NKAIN2: variants seen among roughly 807,000 people sequenced by gnomAD.
NKAIN2 encodes the protein sodium/potassium transporting ATPase interacting 2, also known as sodium/potassium-transporting ATPase subunit beta-1-interacting protein 2.
NKAIN2 carries 14 observed loss-of-function variants against 32.6 expected under a neutral mutation model. The observed-to-expected ratio is 0.43, with a 90% CI of 0.28 to 0.67. The LOEUF is 0.67. NKAIN2 is among the 30% of genes least tolerant of loss of function. The pLI, the probability that NKAIN2 is intolerant of heterozygous loss-of-function variation, is 0.17. For synonymous variants in NKAIN2, 80 were observed against 87.2 expected (o/e 0.92, Z 0.46); for missense variants, 198 against 258.3 (o/e 0.77, Z 1.60).
At chr6:124,181,815 C>A (rs553880524) in intron 1 of NKAIN2, among the ~76,000 whole-genome samples, 2 of 152,136 alleles carry the variant, frequency 1.3e-5, no homozygotes, top group Admixed American at 6.5e-5. Flanking sequence ...TTGGTCAAAG[C>A]CATTCAACAA....
At chr6:123,997,724 C>T (rs930777484) in intron 1 of NKAIN2, among the ~76,000 whole-genome samples, 3 of 151,478 alleles carry the variant, frequency 2.0e-5, no homozygotes, top group Non-Finnish European at 4.4e-5. Flanking sequence ...CTGCCTCAGC[C>T]TCCCGAGTGG....
chr6:124,006,897 A>G (rs935328706), intron 1 of NKAIN2, among the ~76,000 whole-genome samples: 31 of 152,318 alleles, frequency 2.0e-4, no homozygotes, highest in African/African-American at 7.5e-4. Flanking sequence ...TCTCAGCTGA[A>G]TGCTGTGAAT....
intron 4 of NKAIN2, among the ~76,000 whole-genome samples, chr6:124,770,599 A>G (rs1272285793): frequency 6.6e-6 from 1 of 152,142 alleles, no homozygotes; most frequent in Admixed American, 6.5e-5. Flanking sequence ...TGTAATTTAC[A>G]CATTTTAATT....
chr6:124,368,063 G>A (rs946474854), intron 3 of NKAIN2, among the ~76,000 whole-genome samples: 8 of 152,058 alleles, frequency 5.3e-5, no homozygotes, highest in Admixed American at 2.0e-4. Flanking sequence ...CTGCTTTTGT[G>A]TGGTAAAATT....
At chr6:124,421,454 C>T (rs1201420485) in intron 3 of NKAIN2, among the ~76,000 whole-genome samples, 1 of 152,150 alleles carries the variant, frequency 6.6e-6, no homozygotes, top group East Asian at 1.9e-4. Flanking sequence ...ATACCATCCA[C>T]GCACAGCAGA....
At chr6:123,917,083 T>C (rs1775537636) in intron 1 of NKAIN2, among the ~76,000 whole-genome samples, 1 of 152,186 alleles carries the variant, frequency 6.6e-6, no homozygotes, top group African/African-American at 2.4e-5. Flanking sequence ...TGTGGAGCTT[T>C]TGTTTTTCCT....
chr6:124,583,520 ATAT>A (rs1781600019), intron 3 of NKAIN2, among the ~76,000 whole-genome samples: 2 of 152,322 alleles, frequency 1.3e-5, no homozygotes, highest in South Asian at 2.1e-4. Flanking sequence ...GGAAAAATCA[ATAT>A]TATTAATTAT....
At chr6:124,521,601 C>T (rs1779121210) in intron 3 of NKAIN2, among the ~76,000 whole-genome samples, 1 of 152,128 alleles carries the variant, frequency 6.6e-6, no homozygotes, top group Admixed American at 6.5e-5. Flanking sequence ...ATGTTTTATG[C>T]TTTATTTCTC....
chr6:124,589,617 G>T (rs571729844), intron 3 of NKAIN2, among the ~76,000 whole-genome samples: 13 of 152,138 alleles, frequency 8.5e-5, no homozygotes, highest in African/African-American at 3.1e-4. Flanking sequence ...AAATGTGGGC[G>T]AGAAGAAATT....
At chr6:124,193,007 C>T (rs1333622524) in intron 1 of NKAIN2, among the ~76,000 whole-genome samples, 1 of 152,116 alleles carries the variant, frequency 6.6e-6, no homozygotes, top group Non-Finnish European at 1.5e-5. Flanking sequence ...CCTTGGCCTC[C>T]TAAAGTGCTG....
At chr6:124,500,264 T>C (rs79776822) in intron 3 of NKAIN2, among the ~76,000 whole-genome samples, 2,179 of 152,290 alleles carry the variant, frequency 0.014, 48 homozygotes, top group African/African-American at 0.049. Flanking sequence ...TAACTGTTAA[T>C]GTACTGACTT....
chr6:124,029,715 A>G (rs75670574), intron 1 of NKAIN2, among the ~76,000 whole-genome samples: 8,140 of 152,204 alleles, frequency 0.053, 722 homozygotes, highest in African/African-American at 0.18. Flanking sequence ...GGACCAGTCC[A>G]TTGCCTGTTA....
At position 123,976,046 on chromosome 6, in the gene NKAIN2, C is replaced by T. The variant is rs982317100; in HGVS notation, c.54+171792C>T. Among the ~76,000 whole-genome samples the T allele has an allele frequency of 3.3e-5, 5 of 151,298 alleles. No homozygotes were observed. In the Admixed American group the frequency reaches 3.3e-4, roughly 10 times the overall value. ...CTGATGGTTTTATAAGAGGGAGTTC[C>T]CCTGCACATGCTTTCTTGTCTGCCA... is the stretch of plus-strand genomic sequence containing the variant. On this transcript the variant is annotated intron_variant, in intron 1 of 6. Transcript: ENST00000368417.
intron 1 of NKAIN2, among the ~76,000 whole-genome samples, chr6:123,849,633 C>T (rs774316964): frequency 3.9e-5 from 6 of 151,946 alleles, no homozygotes; most frequent in Non-Finnish European, 8.8e-5. Flanking sequence ...GGCAACTTTG[C>T]GACAAGGAGC....
At chr6:124,077,544 A>G (rs1410166404) in intron 1 of NKAIN2, among the ~76,000 whole-genome samples, 3 of 152,192 alleles carry the variant, frequency 2.0e-5, no homozygotes, top group African/African-American at 7.2e-5. Context: ...AAAAAATTTT[A>G]TCAATGCAGC....
chr6:123,931,239 T>C (rs1776238701), intron 1 of NKAIN2, among the ~76,000 whole-genome samples: 2 of 152,132 alleles, frequency 1.3e-5, no homozygotes, highest in African/African-American at 4.8e-5. Context: ...TATAGTTTCC[T>C]GTGTTCTTTT....
intron 2 of NKAIN2, among the ~76,000 whole-genome samples, chr6:124,347,007 G>C (rs1798458269): frequency 6.6e-6 from 1 of 152,118 alleles, no homozygotes; most frequent in Admixed American, 6.6e-5. Context: ...GCTTCCTTCA[G>C]GAGCTCTTTT....
In NKAIN2 at chr6:124,132,339, G is replaced by A. The variant is rs1214010394; in HGVS notation, c.55-150666G>A. ...TATTTCTCTACCTGCCCCAGTAGCT[G>A]AACACAAAAGACATAAATTCTTGAG... is the stretch of plus-strand genomic sequence containing the variant. On this transcript the variant is annotated intron_variant, in intron 1 of 6. Coordinates refer to ENST00000368417, the MANE Select transcript of NKAIN2 (RefSeq NM_001040214.3). 3.3e-5 allele frequency among the ~76,000 whole-genome samples: 5 copies of A among 152,140 alleles called. No homozygotes were observed. The South Asian group carries it at 1.0e-3, about 32-fold the overall frequency.
intron 4 of NKAIN2, among the ~76,000 whole-genome samples, chr6:124,668,075 C>T (rs1026248551): frequency 2.0e-5 from 3 of 152,082 alleles, no homozygotes; most frequent in Admixed American, 1.3e-4. Context: ...ACACTTGTCC[C>T]GACTGCCGTT....
Sources: gnomAD v4.1 joint callset for allele counts (sites outside exome capture counted in the v4.1 genomes callset) on GRCh38, gnomAD v4.1.1 for gene constraint, MANE v1.5 for transcripts, NCBI Gene and HGNC (gene_info 2026-07-23, HGNC 2026-07-21) for gene names.